FAM117B: variants seen among roughly 807,000 people sequenced by gnomAD.
FAM117B encodes protein FAM117B.
In FAM117B, 22 loss-of-function variants were observed where a neutral mutation model predicts 52.8. That is an observed-to-expected ratio of 0.42 (90% CI 0.30 to 0.59). FAM117B has a LOEUF of 0.59. Ranked by LOEUF, FAM117B falls within the 20% of genes least tolerant of loss-of-function variation. FAM117B has a pLI of 0.22. For synonymous variants in FAM117B, 309 were observed against 324.1 expected (o/e 0.95, Z 0.50); for missense variants, 678 against 802.6 (o/e 0.84, Z 1.88).
rs184775371 is a variant in FAM117B at position 202,679,789 on chromosome 2, G to A, written c.602-16092G>A. Among the ~76,000 whole-genome samples the A allele has an allele frequency of 8.5e-5, 13 of 152,222 alleles. No individual in the cohort carries two copies. In the East Asian group the frequency reaches 1.7e-3, roughly 20 times the overall value. On this transcript the variant is annotated intron_variant, in intron 1 of 7. Transcript: ENST00000392238. ...CTTTCAAGAATGATAACAAAATCCC[G>A]ATACTTAAAAACATGATACTGTCTA...
chr2:202,657,827 G>T (rs372796726), intron 1 of FAM117B, among the ~76,000 whole-genome samples: 58 of 152,124 alleles, frequency 3.8e-4, no homozygotes, highest in African/African-American at 1.3e-3. Context: ...CTACCTTTCA[G>T]ATTGCTTGAC....
chr2:202,663,390 T>C (rs921820553), intron 1 of FAM117B, among the ~76,000 whole-genome samples: 6 of 152,224 alleles, frequency 3.9e-5, no homozygotes, highest in African/African-American at 1.4e-4. Context: ...AATAGTGTTA[T>C]TGTGCTACAT....
intron 1 of FAM117B, among the ~76,000 whole-genome samples, chr2:202,672,697 CTA>C (rs1245407923): frequency 1.3e-5 from 2 of 152,066 alleles, no homozygotes; most frequent in Non-Finnish European, 2.9e-5. Flanking sequence ...CATTTGGTAT[CTA>C]TGTATATCAT....
intron 1 of FAM117B, among the ~76,000 whole-genome samples, chr2:202,636,835 TCTTA>T (rs1378705810): frequency 6.6e-6 from 1 of 152,256 alleles, no homozygotes; most frequent in East Asian, 1.9e-4. Context: ...GATGACTCTT[TCTTA>T]CTATTTATTT....
At chr2:202,698,051 A>G (rs1316076661) in intron 2 of FAM117B, among the ~76,000 whole-genome samples, 1 of 151,916 alleles carries the variant, frequency 6.6e-6, no homozygotes, top group East Asian at 1.9e-4. Flanking sequence ...TTGTGTTTTT[A>G]GTAGAGACGG....
At chr2:202,704,861 A>C (rs1279199587) in intron 2 of FAM117B, among the ~76,000 whole-genome samples, 2 of 151,822 alleles carry the variant, frequency 1.3e-5, no homozygotes, top group Non-Finnish European at 2.9e-5. Flanking sequence ...TCAGCCTCCC[A>C]AAGTGCTGGT....
intron 1 of FAM117B, among the ~76,000 whole-genome samples, chr2:202,693,946 C>G (rs1325919101): frequency 6.6e-6 from 1 of 151,994 alleles, no homozygotes; most frequent in Non-Finnish European, 1.5e-5. Context: ...GGGGCTTAAT[C>G]TTAAAGGATG....
chr2:202,666,403 C>T (rs62194133), intron 1 of FAM117B, among the ~76,000 whole-genome samples: 7,709 of 151,626 alleles, frequency 0.051, 237 homozygotes, highest in Middle Eastern at 0.088. Flanking sequence ...CGTTCACAAA[C>T]GCACACACAT....
intron 5 of FAM117B, among the ~76,000 whole-genome samples, chr2:202,756,525 G>T (rs898777792): frequency 6.6e-6 from 1 of 152,122 alleles, no homozygotes; most frequent in South Asian, 2.1e-4. Context: ...AGTGAAGGAG[G>T]AATTGAGTAT....
chr2:202,670,303 T>G (rs1244454769), intron 1 of FAM117B, among the ~76,000 whole-genome samples: 1 of 151,712 alleles, frequency 6.6e-6, no homozygotes, highest in Non-Finnish European at 1.5e-5. Context: ...TTTTTTCTTT[T>G]TTTTTGAGAT....
chr2:202,651,313 C>A (rs1172500319), intron 1 of FAM117B, among the ~76,000 whole-genome samples: 1 of 151,314 alleles, frequency 6.6e-6, no homozygotes, highest in Non-Finnish European at 1.5e-5. Context: ...CTGCCTATCT[C>A]AGCCTCCCAA....
intron 2 of FAM117B, among the ~76,000 whole-genome samples, chr2:202,701,250 G>A (rs748330908): frequency 6.6e-5 from 10 of 152,230 alleles, no homozygotes; most frequent in African/African-American, 2.2e-4. Flanking sequence ...ATGCCAGCAC[G>A]TCTTTTTATA....
chr2:202,762,849 C>T (rs1420668217), intron 7 of FAM117B, among the ~76,000 whole-genome samples: 1 of 151,546 alleles, frequency 6.6e-6, no homozygotes, highest in Non-Finnish European at 1.5e-5. Flanking sequence ...TTCTGTTTCT[C>T]GATCTGATCA....
At chr2:202,687,212 C>T (rs1260332298) in intron 1 of FAM117B, among the ~76,000 whole-genome samples, 1 of 152,174 alleles carries the variant, frequency 6.6e-6, no homozygotes, top group Non-Finnish European at 1.5e-5. Flanking sequence ...TATGTGATTA[C>T]ATTTGTATGA....
At chr2:202,743,691 G>A (rs1691584368) in intron 4 of FAM117B, among the ~76,000 whole-genome samples, 1 of 152,242 alleles carries the variant, frequency 6.6e-6, no homozygotes, top group Admixed American at 6.5e-5. Flanking sequence ...GAGATAGATA[G>A]ATTAAAAAGA....
intron 7 of FAM117B, among the ~76,000 whole-genome samples, chr2:202,760,851 A>G (rs865900655): frequency 1.3e-5 from 2 of 152,116 alleles, no homozygotes; most frequent in Admixed American, 6.6e-5. Flanking sequence ...GGCTCATTCT[A>G]TTAGGTTAAA....
At chr2:202,694,222 C>T (rs866109553) in intron 1 of FAM117B, among the ~76,000 whole-genome samples, 1 of 119,100 alleles carries the variant, frequency 8.4e-6, no homozygotes, top group East Asian at 2.3e-4. Flanking sequence ...GACAGAGTCT[C>T]ACTCTGTCGC....
intron 2 of FAM117B, among the ~76,000 whole-genome samples, chr2:202,696,330 T>C (rs753297949): frequency 5.3e-5 from 8 of 152,208 alleles, no homozygotes; most frequent in Non-Finnish European, 1.2e-4. Flanking sequence ...AACAGGGGTG[T>C]CCAATCTTTT....
chr2:202,718,507 A>AT (rs1559108936), intron 2 of FAM117B, among the ~76,000 whole-genome samples: 1 of 152,040 alleles, frequency 6.6e-6, no homozygotes. Context: ...ATATCAGTTG[A>AT]TTTTTTTGTT....
Sources: gnomAD v4.1 joint callset for allele counts (sites outside exome capture counted in the v4.1 genomes callset) on GRCh38, gnomAD v4.1.1 for gene constraint, MANE v1.5 for transcripts, NCBI Gene and HGNC (gene_info 2026-07-23, HGNC 2026-07-21) for gene names.